PDZRN4: variants seen among roughly 807,000 people sequenced by gnomAD.
PDZRN4 encodes PDZ domain-containing RING finger protein 4.
A neutral mutation model predicts 99.0 loss-of-function variants in PDZRN4; 70 were observed. The ratio of observed to expected loss-of-function variants is 0.71; its 90% CI spans 0.58 to 0.86. The LOEUF is 0.86. PDZRN4 is among the 40% of genes least tolerant of loss of function. The pLI is 0.00. For missense variants in PDZRN4, 1,474 were observed against 1,331.2 expected, an observed-to-expected ratio of 1.11 and a Z score of -1.67; for synonymous variants, 551 against 501.6, an observed-to-expected ratio of 1.10 and a Z score of -1.32.
chr12:41,188,583 T>C lies in PDZRN4; in HGVS notation c.128T>C (p.Leu43Ser), dbSNP rs746961904. ...CGHVFCASCL[L>S]PWAVRRRRCP... ...CACGTCTTCTGCGCCAGCTGCCTGT[T>C]GCCCTGGGCGGTGCGGAGGCGCCGG... Residue 43 changes from leucine (L) to serine (S), a missense_variant, in exon 1 of 10, where the codon TTG (leucine) becomes TCG (serine). Coordinates refer to ENST00000402685, the MANE Select transcript of PDZRN4 (RefSeq NM_001164595.2). The C allele has an allele frequency of 1.9e-5, 30 of 1,544,398 alleles. No individual in the cohort carries two copies. The highest frequency in any genetic ancestry group is 2.6e-5 in the Non-Finnish European group (30 of 1,151,918).
At chr12:41,364,881 G>A (rs1439072723) in intron 3 of PDZRN4, among the ~76,000 whole-genome samples, 1 of 152,070 alleles carries the variant, frequency 6.6e-6, no homozygotes, top group Non-Finnish European at 1.5e-5. Flanking sequence ...AGTAGGGATT[G>A]TCTTATTCTT....
chr12:41,570,227 C>A (rs767280485), intron 9 of PDZRN4, among the ~76,000 whole-genome samples: 1 of 152,048 alleles, frequency 6.6e-6, no homozygotes, highest in Non-Finnish European at 1.5e-5. Context: ...GTACAGAAAC[C>A]TTTAAAAGTC....
At chr12:41,370,516 T>C (rs552406943) in intron 3 of PDZRN4, among the ~76,000 whole-genome samples, 189 of 152,022 alleles carry the variant, frequency 1.2e-3, no homozygotes, top group Non-Finnish European at 2.0e-3. Flanking sequence ...CTTTGATGTC[T>C]TACAGTTATA....
chr12:41,557,075 C>T (rs1471113242), intron 7 of PDZRN4, among the ~76,000 whole-genome samples: 1 of 144,240 alleles, frequency 6.9e-6, no homozygotes, highest in African/African-American at 2.6e-5. Flanking sequence ...CGCTTGAACC[C>T]GGGAGACAGA....
intron 3 of PDZRN4, among the ~76,000 whole-genome samples, chr12:41,385,409 A>G (rs1952162256): frequency 6.6e-6 from 1 of 152,186 alleles, no homozygotes; most frequent in Admixed American, 6.5e-5. Context: ...GAACAGAATG[A>G]ACAAGGAAAA....
intron 3 of PDZRN4, among the ~76,000 whole-genome samples, chr12:41,338,628 C>T (rs1951792335): frequency 6.6e-6 from 1 of 151,774 alleles, no homozygotes. Flanking sequence ...GACATGATAA[C>T]TAACATCACA....
At chr12:41,501,795 G>T (rs1297081015) in intron 3 of PDZRN4, among the ~76,000 whole-genome samples, 8 of 152,090 alleles carry the variant, frequency 5.3e-5, no homozygotes, top group Non-Finnish European at 2.9e-5. Context: ...AAGGATATTT[G>T]TCTGTGCTGA....
intron 3 of PDZRN4, among the ~76,000 whole-genome samples, chr12:41,318,368 C>A (rs536029274): frequency 6.6e-6 from 1 of 152,104 alleles, no homozygotes; most frequent in Non-Finnish European, 1.5e-5. Flanking sequence ...ATTAACTGAA[C>A]CCTTAGAAAC....
At chr12:41,375,334 G>A (rs1952071449) in intron 3 of PDZRN4, among the ~76,000 whole-genome samples, 1 of 152,114 alleles carries the variant, frequency 6.6e-6, no homozygotes, top group South Asian at 2.1e-4. Context: ...TGACAAGGAT[G>A]AGCATATACA....
At chr12:41,404,010 CT>C (rs1952323697) in intron 3 of PDZRN4, among the ~76,000 whole-genome samples, 1 of 152,046 alleles carries the variant, frequency 6.6e-6, no homozygotes, top group South Asian at 2.1e-4. Context: ...TGCTGAAGTT[CT>C]TTATATAAAA....
At chr12:41,354,358 A>G (rs1439931223) in intron 3 of PDZRN4, among the ~76,000 whole-genome samples, 4 of 152,122 alleles carry the variant, frequency 2.6e-5, no homozygotes, top group South Asian at 2.1e-4. Context: ...TCACTTATGT[A>G]TTTGCATCAG....
chr12:41,297,251 T>C (rs1039977339), intron 3 of PDZRN4, among the ~76,000 whole-genome samples: 1 of 152,138 alleles, frequency 6.6e-6, no homozygotes, highest in Non-Finnish European at 1.5e-5. Flanking sequence ...GTTGATGGAA[T>C]GTAAGGAAAA....
At chr12:41,479,419 G>A (rs899383100) in intron 3 of PDZRN4, among the ~76,000 whole-genome samples, 5 of 152,196 alleles carry the variant, frequency 3.3e-5, no homozygotes, top group African/African-American at 9.6e-5. Context: ...TTCTATGGCT[G>A]AGAGAATGAT....
intron 3 of PDZRN4, among the ~76,000 whole-genome samples, chr12:41,282,323 T>A (rs762612078): frequency 6.6e-6 from 1 of 152,204 alleles, no homozygotes; most frequent in Non-Finnish European, 1.5e-5. Flanking sequence ...AAGAGCTAAC[T>A]ATCCTAAATA....
intron 5 of PDZRN4, among the ~76,000 whole-genome samples, chr12:41,540,851 G>C (rs1238433474): frequency 4.7e-5 from 7 of 147,694 alleles, no homozygotes; most frequent in Non-Finnish European, 1.0e-4. Flanking sequence ...CAGCCCCAAG[G>C]CCCCTTTTCT....
intron 3 of PDZRN4, among the ~76,000 whole-genome samples, chr12:41,232,207 A>C (rs183064730): frequency 5.8e-4 from 88 of 152,176 alleles, no homozygotes; most frequent in African/African-American, 2.0e-3. Context: ...CCTAAGTTTT[A>C]ATGAAATGCT....
At chr12:41,405,973 T>G (rs1332048987) in intron 3 of PDZRN4, among the ~76,000 whole-genome samples, 3 of 151,974 alleles carry the variant, frequency 2.0e-5, no homozygotes, top group African/African-American at 7.2e-5. Context: ...AGGGGAAACA[T>G]GGGTTGAAAA....
chr12:41,505,843 T>A (rs952495975), intron 3 of PDZRN4, among the ~76,000 whole-genome samples: 9 of 149,624 alleles, frequency 6.0e-5, no homozygotes, highest in African/African-American at 2.2e-4. Context: ...CTTGTGAGTA[T>A]GCCAATTCTG....
chr12:41,443,055 C>T (rs1478483653), intron 3 of PDZRN4, among the ~76,000 whole-genome samples: 1 of 152,108 alleles, frequency 6.6e-6, no homozygotes, highest in African/African-American at 2.4e-5. Flanking sequence ...AAACTCTAGA[C>T]ATGTGGTTCA....
Sources: allele counts gnomAD v4.1 joint callset (sites outside exome capture counted in the v4.1 genomes callset), GRCh38; gene constraint gnomAD v4.1.1; transcripts MANE v1.5; gene names NCBI Gene and HGNC (gene_info 2026-07-23, HGNC 2026-07-21).